BRD10: variants seen among roughly 807,000 people sequenced by gnomAD.
BRD10 encodes the protein bromodomain containing 10, also known as uncharacterized bromodomain-containing protein 10.
At chr9:5,980,769 T>C in the BRD10 span, among the ~76,000 whole-genome samples, 1 of 152,294 alleles carries the variant, frequency 6.6e-6, no homozygotes, top group Admixed American at 6.5e-5. Context: ...CAGATGTCCA[T>C]CAGATACCAG....
chr9:5,947,233 G>C, the BRD10 span, among the ~76,000 whole-genome samples: 1 of 152,030 alleles, frequency 6.6e-6, no homozygotes, highest in Non-Finnish European at 1.5e-5. Flanking sequence ...GAATTGCATG[G>C]GGATCTTAAT....
chr9:5,919,262 C>T, the BRD10 span: 1 of 151,882 alleles, frequency 6.6e-6, no homozygotes, highest in African/African-American at 2.4e-5. Flanking sequence ...TTTTTTTTTA[C>T]AGAAACAAAA....
the BRD10 span, chr9:5,988,414 C>T: frequency 6.2e-7 from 1 of 1,613,902 alleles, no homozygotes; most frequent in East Asian, 2.2e-5. Context: ...TTCAAAAACT[C>T]CACTTGTCAA....
chr9:5,954,233 A>G, the BRD10 span: 222 of 609,260 alleles, frequency 3.6e-4, no homozygotes, highest in South Asian at 7.6e-4. Context: ...ATGATGAATC[A>G]AAACAAGCCC....
the BRD10 span, chr9:5,968,108 T>C: frequency 8.0e-5 from 125 of 1,570,994 alleles, 1 homozygote; most frequent in Non-Finnish European, 1.0e-4. Flanking sequence ...TGCAAGAGAA[T>C]GAAGACCTTC....
At chr9:5,974,433 T>C in the BRD10 span, among the ~76,000 whole-genome samples, 13 of 152,088 alleles carry the variant, frequency 8.5e-5, no homozygotes, top group Non-Finnish European at 2.9e-5. Flanking sequence ...AAAATCCTAA[T>C]ACATGAAATA....
chr9:5,944,634 A>C, the BRD10 span, among the ~76,000 whole-genome samples: 1 of 152,188 alleles, frequency 6.6e-6, no homozygotes, highest in South Asian at 2.1e-4. Flanking sequence ...AATATCTAAA[A>C]CTATACCTGA....
At chr9:6,008,202 C>T in the BRD10 span, 11 of 978,806 alleles carry the variant, frequency 1.1e-5, no homozygotes, top group African/African-American at 1.9e-4. Context: ...AGGGGGTTCT[C>T]CTCTCCCCTC....
At chr9:5,970,195 A>G in the BRD10 span, among the ~76,000 whole-genome samples, 1 of 152,226 alleles carries the variant, frequency 6.6e-6, no homozygotes, top group Non-Finnish European at 1.5e-5. Context: ...CGAGTTTTAT[A>G]TAAGAAAAAC....
At chr9:6,008,002 G>C in the BRD10 span, 5 of 1,265,446 alleles carry the variant, frequency 4.0e-6, no homozygotes, top group African/African-American at 1.6e-5. Flanking sequence ...GGAGGGGGGA[G>C]AGAAGAGGAG....
the BRD10 span, among the ~76,000 whole-genome samples, chr9:5,914,349 TGCTTAAATTCAA>T: frequency 6.6e-6 from 1 of 151,846 alleles, no homozygotes; most frequent in East Asian, 1.9e-4. Context: ...ATGGTACATT[TGCTTAAATTCAA>T]GCCTGAAAGA....
At chr9:6,006,111 G>A in the BRD10 span, among the ~76,000 whole-genome samples, 2 of 152,224 alleles carry the variant, frequency 1.3e-5, no homozygotes, top group Non-Finnish European at 2.9e-5. Context: ...TTTCAGATAT[G>A]AAGTATACAC....
the BRD10 span, chr9:5,953,880 GAA>G: frequency 1.6e-6 from 1 of 634,326 alleles, no homozygotes; most frequent in Non-Finnish European, 2.8e-6. Flanking sequence ...CTTGCAGGGA[GAA>G]AAGTCACTGT....
the BRD10 span, among the ~76,000 whole-genome samples, chr9:5,987,620 CATTT>C: frequency 6.6e-6 from 1 of 152,188 alleles, no homozygotes; most frequent in South Asian, 2.1e-4. Context: ...AAGCAAGTTA[CATTT>C]ATTATTACAA....
the BRD10 span, among the ~76,000 whole-genome samples, chr9:5,889,863 C>G: frequency 6.6e-6 from 1 of 152,116 alleles, no homozygotes; most frequent in Non-Finnish European, 1.5e-5. Context: ...TTTGCACCAA[C>G]CTAATTGATG....
the BRD10 span, among the ~76,000 whole-genome samples, chr9:5,974,210 A>G: frequency 6.6e-6 from 1 of 152,202 alleles, no homozygotes; most frequent in Non-Finnish European, 1.5e-5. Flanking sequence ...AAAATAAACC[A>G]GAAACAACAG....
At chr9:5,886,260 C>T in the BRD10 span, among the ~76,000 whole-genome samples, 1 of 152,156 alleles carries the variant, frequency 6.6e-6, no homozygotes, top group Non-Finnish European at 1.5e-5. Context: ...TGAGGTGGGC[C>T]TGTGATGCCA....
chr9:5,995,463 CTCTT>C, the BRD10 span, among the ~76,000 whole-genome samples: 171 of 152,330 alleles, frequency 1.1e-3, 1 homozygote, highest in African/African-American at 4.0e-3. Flanking sequence ...CCTTCAAACT[CTCTT>C]TCTCTGTCTG....
the BRD10 span, among the ~76,000 whole-genome samples, chr9:5,995,021 T>G: frequency 6.6e-6 from 1 of 152,048 alleles, no homozygotes; most frequent in South Asian, 2.1e-4. Context: ...TGCCTCAGCC[T>G]CCTGAGTAGC....
Sources: gnomAD v4.1 joint callset for allele counts (sites outside exome capture counted in the v4.1 genomes callset) on GRCh38, gnomAD v4.1.1 for gene constraint, MANE v1.5 for transcripts, NCBI Gene and HGNC (gene_info 2026-07-23, HGNC 2026-07-21) for gene names.